The following GRIN2C variants were observed in gnomAD, a reference collection of about 807,000 sequenced individuals.
The protein encoded by GRIN2C is glutamate ionotropic receptor NMDA type subunit 2C.
GRIN2C carries 64 observed loss-of-function variants against 77.7 expected under a neutral mutation model. The observed-to-expected ratio is 0.82, with a 90% CI of 0.67 to 1.01. The LOEUF (loss-of-function observed/expected upper bound fraction) is 1.01. Ranked by LOEUF, GRIN2C falls within the 50% of genes least tolerant of loss-of-function variation. The pLI is 0.00. For missense variants in GRIN2C, 1,549 were observed against 1,486.0 expected (o/e 1.04, Z -0.70); for synonymous variants, 792 against 643.4 (o/e 1.23, Z -3.49).
In GRIN2C at chr17:74,852,454, G is replaced by T; in HGVS notation, c.557C>A (p.Ala186Asp). ...CCGCCAACTCACGTGGCTGGCGTCG[G>T]CGACGGCGCGCACGCCCTCCAGGAA... is the stretch of plus-strand genomic sequence containing the variant. ...ALFLEGVRAV[A>D]DASHVSWRLL... is the part of the protein sequence containing the mutation. The change falls in exon 3 of 13, where the codon GCC (alanine) becomes GAC (aspartate). Residue 186 changes from alanine to aspartate, a missense_variant. Physicochemically the swap from Ala to Asp is moderately radical, Grantham distance 126. Transcript: ENST00000293190. 1 of 1,547,812 alleles carries T rather than the reference G, an allele frequency of 6.5e-7. No individual in the cohort carries two copies.
rs539198259 is a variant in GRIN2C, at chr17:74,853,857, C to T, written c.399+837G>A. The T allele has an allele frequency of 6.0e-4, 92 of 152,402 alleles. 2 individuals carry two copies. The highest frequency in any genetic ancestry group is 2.1e-3 in the African/African-American group (89 of 41,582). 9.4% of individuals were successfully genotyped at this position (152,402 alleles called of 1,614,324 possible). ...TCAACAGGGGCAGGGCCAGGAAGCT[C>T]ACAGGGCTAAGGCAGGCACAGACCA... On this transcript the variant is annotated intron_variant, in intron 2 of 12. Transcript: ENST00000293190.
At chr17:74,844,700 G>C (rs889921064) in intron 11 of GRIN2C, among the ~76,000 whole-genome samples, 192 bp from the exon 12 acceptor site, 1 of 152,200 alleles carries the variant, frequency 6.6e-6, no homozygotes, top group Non-Finnish European at 1.5e-5. Context: ...GGGTCAGTGA[G>C]CAAGGAAATA....
At chr17:74,843,866 G>T (rs2144543727) in intron 12 of GRIN2C, among the ~76,000 whole-genome samples, 1 of 149,042 alleles carries the variant, frequency 6.7e-6, no homozygotes, top group East Asian at 2.0e-4. Context: ...CACTTCTCAG[G>T]ACGTTGGCTT....
rs2037479622 is a variant in GRIN2C at position 74,847,046 on chromosome 17, G to T, written c.2002-126C>A. On this transcript the variant is annotated intron_variant, in intron 9 of 12. Transcript: ENST00000293190. The surrounding 1 kb of genome is among the most constrained non-coding windows in gnomAD (Gnocchi z 5.2). ...ATAGTCAGAGCAGAAGGTCTTAAAG[G>T]CTGTCCAGGCCACTCCTGTGTTTTC... 2 of 1,001,524 alleles carry T rather than the reference G, an allele frequency of 2.0e-6. No homozygotes were observed. Among genetic ancestry groups the T allele is most frequent in the African/African-American group, 1.6e-5 (1 of 61,862 alleles). The allele number at this position is 1,001,524 out of a possible 1,614,324, so 62.0% of individuals were successfully genotyped here.
At chr17:74,861,251 G>A (rs910586342), upstream of GRIN2C, among the ~76,000 whole-genome samples, 2 of 152,174 alleles carry the variant, frequency 1.3e-5, no homozygotes, top group Non-Finnish European at 2.9e-5. Flanking sequence ...CCCAAGGCCA[G>A]GTTCTTGAGG....
chr17:74,847,862 G>C lies in GRIN2C; in HGVS notation c.1761C>G (p.Thr587=). The C allele has an allele frequency of 6.2e-7, 1 of 1,614,014 alleles. No homozygotes were observed. Among genetic ancestry groups the C allele is most frequent in the Non-Finnish European group, 8.5e-7 (1 of 1,179,958 alleles). ...FSPVSYNQNL[T]RGKKSGGPAF... The stretch of plus-strand genomic sequence containing the variant: ...CCAGGCAAGGCTTACTCTTGCCTCT[G>C]GTGAGGTTCTGGTTGTAGCTGACAG... The change falls in exon 8 of 13, where the codon ACC becomes ACG. Residue 587 remains threonine (T), a synonymous_variant. Transcript: ENST00000293190. The surrounding 1 kb of genome is among the most constrained non-coding windows in gnomAD (Gnocchi z 5.2).
At chr17:74,851,524 G>A in intron 4 of GRIN2C, 53 bp downstream of exon 4, 2 of 1,007,054 alleles carry the variant, frequency 2.0e-6, no homozygotes. Flanking sequence ...ACAAGAGGAG[G>A]CGGGGACAAA....
chr17:74,857,879 A>G (rs981250242), intron 1 of GRIN2C, among the ~76,000 whole-genome samples: 1 of 152,014 alleles, frequency 6.6e-6, no homozygotes, highest in Non-Finnish European at 1.5e-5. Flanking sequence ...AAACACTTGT[A>G]TCTTGATTAC....
upstream of GRIN2C, among the ~76,000 whole-genome samples, chr17:74,860,191 A>G (rs540539725): frequency 3.3e-4 from 51 of 152,314 alleles, no homozygotes; most frequent in South Asian, 9.9e-3. Flanking sequence ...TCGGGAGTTT[A>G]GAAACAGGCT....
chr17:74,850,852 C>A lies in GRIN2C; in HGVS notation c.1114-85G>T. 1 of 1,113,758 alleles carries A rather than the reference C, an allele frequency of 9.0e-7. No homozygotes were observed. Among genetic ancestry groups the A allele is most frequent in the Non-Finnish European group, 1.3e-6 (1 of 755,654 alleles). 69.0% of individuals were successfully genotyped at this position (1,113,758 alleles called of 1,614,324 possible). ...TGGAGCCTGCCAGGGCCAAGAATCT[C>A]CCTCTCTCACCTAGGGATGCTGGGG... On this transcript the variant is annotated intron_variant, in intron 4 of 12. Transcript: ENST00000293190. This position sits in a 1 kb window ranked among gnomAD's most constrained non-coding sequence, Gnocchi z 5.3.
chr17:74,853,753 T>C (rs927276915), intron 2 of GRIN2C: 3 of 152,152 alleles, frequency 2.0e-5, no homozygotes, highest in African/African-American at 7.2e-5. Flanking sequence ...AAATTCTTCA[T>C]ATAAAAATTA....
chr17:74,844,932 A>ATTG (rs1462133706), intron 11 of GRIN2C, among the ~76,000 whole-genome samples: 9 of 150,984 alleles, frequency 6.0e-5, no homozygotes, highest in African/African-American at 1.7e-4. Flanking sequence ...TATTATTATT[A>ATTG]TTGTTATTAT....
At chr17:74,844,680 G>A (rs115097457) in intron 11 of GRIN2C, among the ~76,000 whole-genome samples, 172 bp from the exon 12 acceptor site, 4,246 of 152,224 alleles carry the variant, frequency 0.028, 189 homozygotes, top group African/African-American at 0.096. Flanking sequence ...ATGGTGGGGC[G>A]GGGAGTGGAG....
chr17:74,849,939 G>A lies in GRIN2C; in HGVS notation c.1492-6C>T, dbSNP rs748736212. The stretch of plus-strand genomic sequence containing the variant: ...TCTGCCCGCTTGTAGTACACCTGGG[G>A]GCCGGACGCCACGGAGGTTTGAAAA... On this transcript the variant is annotated splice_polypyrimidine_tract_variant and splice_region_variant and intron_variant, in intron 6 of 12. Transcript: ENST00000293190. The surrounding 1 kb of genome is among the most constrained non-coding windows in gnomAD (Gnocchi z 4.6). 1.2e-6 allele frequency: 2 copies of A among 1,610,920 alleles called. No individual in the cohort carries two copies. The highest frequency in any genetic ancestry group is 1.7e-6 in the Non-Finnish European group (2 of 1,179,064).
rs960460627 is a variant in GRIN2C at position 74,849,008 on chromosome 17, AC to A, written c.1645+771del. The stretch of plus-strand genomic sequence containing the variant: ...AGTCCAGCCTGGGTGACAGAGGAAC[AC>A]CCTGTCTCAAAAAAAAAAAGGAAGG... On this transcript the variant is annotated intron_variant, in intron 7 of 12. Coordinates refer to ENST00000293190, the MANE Select transcript of GRIN2C (RefSeq NM_000835.6). The surrounding 1 kb of genome is among the most constrained non-coding windows in gnomAD (Gnocchi z 4.6). Among the ~76,000 whole-genome samples, 9 of 145,848 alleles carry A rather than the reference AC, an allele frequency of 6.2e-5. No homozygotes were observed. The highest frequency in any genetic ancestry group is 2.1e-4 in the Admixed American group (3 of 14,604).
Position 74,842,304 on chromosome 17 carries a change from T to C in GRIN2C, c.*131A>G. The C allele has an allele frequency of 1.6e-6, 1 of 611,684 alleles. No individual in the cohort carries two copies. The highest frequency in any genetic ancestry group is 1.9e-5 in the African/African-American group (1 of 53,722). The allele number at this position is 611,684 out of a possible 1,614,324, so 37.9% of individuals were successfully genotyped here. On this transcript the variant is annotated 3_prime_UTR_variant, in exon 13 of 13. Coordinates refer to ENST00000293190, the MANE Select transcript of GRIN2C (RefSeq NM_000835.6). Reference sequence around the variant, plus strand: ...AGGTCACTGATGACCATGGAAGACATCATCTGTCACTGGGGTCCCATGGCC... The same window carrying C: ...AGGTCACTGATGACCATGGAAGACACCATCTGTCACTGGGGTCCCATGGCC...
rs1363741243 is a variant in GRIN2C, at chr17:74,849,478, C to A, written c.1645+302G>T. On this transcript the variant is annotated intron_variant, in intron 7 of 12. Coordinates refer to ENST00000293190, the MANE Select transcript of GRIN2C (RefSeq NM_000835.6). This position sits in a 1 kb window ranked among gnomAD's most constrained non-coding sequence, Gnocchi z 4.6. Reference sequence around the variant, plus strand: ...GGGCCTCCCCCACTCGTTCCACAGTCCTGGGCCATGGCCCATCCTGAGGCG... The same window carrying A: ...GGGCCTCCCCCACTCGTTCCACAGTACTGGGCCATGGCCCATCCTGAGGCG... 1.3e-5 allele frequency among the ~76,000 whole-genome samples: 2 copies of A among 152,230 alleles called. No individual in the cohort carries two copies. Among genetic ancestry groups the A allele is most frequent in the African/African-American group, 4.8e-5 (2 of 41,456 alleles).
Position 74,852,212 on chromosome 17 carries a change from C to CG in GRIN2C, c.798dup (p.Ala267ArgfsTer154), listed in dbSNP as rs1407716621. 5.5e-6 allele frequency: 8 copies of CG among 1,444,808 alleles called. No individual in the cohort carries two copies. In the East Asian group the frequency reaches 8.6e-5, roughly 15 times the overall value. The allele number at this position is 1,444,808 out of a possible 1,614,324, so 89.5% of individuals were successfully genotyped here. On this transcript the variant is annotated frameshift_variant, in exon 3 of 13. Transcript: ENST00000293190. LOFTEE classifies it high-confidence loss of function. The stretch of plus-strand genomic sequence containing the variant: ...CTGATGAGGCCCACGGGGAAGGTGG[C>CG]GGGGGGCGCATCGGTGCTGCCCAGC...
chr17:74,847,597 G>T lies in GRIN2C; in HGVS notation c.1772-60C>A. 7.9e-7 allele frequency: 1 copy of T among 1,273,408 alleles called. No homozygotes were observed. Among genetic ancestry groups the T allele is most frequent in the South Asian group, 1.2e-5 (1 of 81,426 alleles). The allele number at this position is 1,273,408 out of a possible 1,614,324, so 78.9% of individuals were successfully genotyped here. A position where few individuals can be genotyped will look rare whatever the true frequency, so the allele number is the denominator to read the frequency against. On this transcript the variant is annotated intron_variant, in intron 8 of 12. Transcript: ENST00000293190. This position sits in a 1 kb window ranked among gnomAD's most constrained non-coding sequence, Gnocchi z 5.2. ...TCCTGCCCACCATGAAAGGGCTCAG[G>T]GCTCAGCCCACCCGACTGCACAGCT...
Sources: allele counts gnomAD v4.1 joint callset (sites outside exome capture counted in the v4.1 genomes callset), GRCh38; gene constraint gnomAD v4.1.1; non-coding constraint Gnocchi (gnomAD v3.1); transcripts MANE v1.5; gene names NCBI Gene and HGNC (gene_info 2026-07-23, HGNC 2026-07-21).